The following MAGI3 variants were observed in gnomAD, a reference collection of about 807,000 sequenced individuals.
The protein encoded by MAGI3 is membrane-associated guanylate kinase, WW and PDZ domain-containing protein 3.
Under a neutral mutation model 121.8 loss-of-function variants are expected in MAGI3, and 43 were observed. The ratio of observed to expected loss-of-function variants is 0.35; its 90% CI spans 0.28 to 0.46. The LOEUF is 0.46. Among genes scored for constraint, MAGI3 ranks in the 20% least tolerant of loss-of-function variants. The pLI is 1.00. For missense variants in MAGI3, 1,547 were observed against 1,797.3 expected (o/e 0.86, Z 2.52); for synonymous variants, 553 against 639.3 (o/e 0.86, Z 2.04).
rs1648438259 is a variant in MAGI3 at position 113,684,611 on chromosome 1, A to T, written c.*597A>T. 1 of 152,304 alleles carries T rather than the reference A, an allele frequency of 6.6e-6. No individual in the cohort carries two copies. Among genetic ancestry groups the T allele is most frequent in the African/African-American group, 2.4e-5 (1 of 41,432 alleles). 9.4% of individuals were successfully genotyped at this position (152,304 alleles called of 1,614,324 possible). A position where few individuals can be genotyped will look rare whatever the true frequency, so the allele number is the denominator to read the frequency against. ...CATCACTACTTTAAGGAAAAAAAAA[A>T]TGTAGTCCAATATTGATGCTTTCTT... On this transcript the variant is annotated 3_prime_UTR_variant, in exon 21 of 21. Coordinates refer to ENST00000307546, the MANE Select transcript of MAGI3 (RefSeq NM_001142782.2).
At chr1:113,447,190 G>A (rs987586363) in intron 1 of MAGI3, among the ~76,000 whole-genome samples, 4 of 152,158 alleles carry the variant, frequency 2.6e-5, no homozygotes, top group Admixed American at 2.6e-4. Flanking sequence ...TCTATTTTGT[G>A]CTGCTGTAAC....
intron 1 of MAGI3, among the ~76,000 whole-genome samples, chr1:113,523,385 C>T (rs1387430382): frequency 3.3e-5 from 5 of 152,138 alleles, no homozygotes; most frequent in Non-Finnish European, 7.3e-5. Flanking sequence ...CAGAAGAAGA[C>T]AGGAAAATCT....
chr1:113,591,117 T>C (rs1219799337), intron 5 of MAGI3, among the ~76,000 whole-genome samples: 1 of 152,080 alleles, frequency 6.6e-6, no homozygotes, highest in Non-Finnish European at 1.5e-5. Flanking sequence ...GAAGAAAATA[T>C]CACTGATCAT....
intron 1 of MAGI3, among the ~76,000 whole-genome samples, chr1:113,545,034 CTT>C (rs71090708): frequency 8.4e-5 from 12 of 143,326 alleles, no homozygotes; most frequent in African/African-American, 2.9e-4. Flanking sequence ...GTTATTGTCA[CTT>C]TTTTTTTTTT....
chr1:113,683,524 A>G lies in MAGI3; in HGVS notation c.3956A>G (p.Tyr1319Cys), dbSNP rs767284978. 1.7e-5 allele frequency: 28 copies of G among 1,613,884 alleles called. No homozygotes were observed. Among genetic ancestry groups the G allele is most frequent in the Non-Finnish European group, 2.3e-5 (27 of 1,179,902 alleles). ...LEGKSRRIAG[Y>C]TGSNAEQIPD... ...GGTAAGAGTCGAAGAATAGCAGGCT[A>G]TACGGGCAGTAATGCTGAGCAGATC... The change falls in exon 21 of 21, where the codon TAT becomes TGT. Residue 1319 changes from tyrosine (Y) to cysteine (C), a missense_variant. Transcript: ENST00000307546.
chr1:113,486,457 G>T lies in MAGI3; in HGVS notation c.317-63058G>T, dbSNP rs992602430. On this transcript the variant is annotated intron_variant, in intron 1 of 20. Transcript: ENST00000307546. ...GTTAGGTATATTCCTAAGTTTGTTT[G>T]TTTGTTTGTTTTGCAGCTATTGTGA... Among the ~76,000 whole-genome samples the T allele has an allele frequency of 2.0e-5, 3 of 151,974 alleles. No individual in the cohort carries two copies. In the South Asian group the frequency reaches 6.2e-4, roughly 31 times the overall value.
chr1:113,486,544 C>T (rs527771339), intron 1 of MAGI3, among the ~76,000 whole-genome samples: 1 of 151,918 alleles, frequency 6.6e-6, no homozygotes, highest in African/African-American at 2.4e-5. Flanking sequence ...TATTTTTGGG[C>T]ATAAAAACTA....
At chr1:113,429,055 A>G (rs767652176) in intron 1 of MAGI3, among the ~76,000 whole-genome samples, 5 of 152,218 alleles carry the variant, frequency 3.3e-5, no homozygotes, top group Non-Finnish European at 7.3e-5. Flanking sequence ...ACTGTAGAAC[A>G]TACTTTTGTA....
At chr1:113,641,022 A>ATATATG (rs1557868815) in intron 9 of MAGI3, among the ~76,000 whole-genome samples, 173 of 15,104 alleles carry the variant, frequency 0.011, 3 homozygotes, top group Non-Finnish European at 0.023. Flanking sequence ...TATGATATAT[A>ATATATG]ATATATATGA....
Position 113,585,454 on chromosome 1 carries a change from A to G in MAGI3, c.621A>G (p.Gln207=). The change falls in exon 4 of 21, where the codon CAA becomes CAG. Residue 207 remains glutamine, a synonymous_variant. Coordinates refer to ENST00000307546, the MANE Select transcript of MAGI3 (RefSeq NM_001142782.2). ...CTTTTCAGCCAGATCCAGTTGATCA[A>G]GTCCTCTTTGATAATGAGTTTGATG... ...PSPFQPDPVD[Q]VLFDNEFDAE... is the part of the protein sequence containing the mutation. The G allele has an allele frequency of 1.2e-6, 2 of 1,614,134 alleles. No homozygotes were observed. Among genetic ancestry groups the G allele is most frequent in the Non-Finnish European group, 1.7e-6 (2 of 1,180,006 alleles).
intron 8 of MAGI3, among the ~76,000 whole-genome samples, chr1:113,621,156 C>G (rs539634350): frequency 1.3e-5 from 2 of 152,060 alleles, no homozygotes; most frequent in Non-Finnish European, 2.9e-5. Flanking sequence ...AGCAAGAAAG[C>G]ATACCAAGTA....
intron 8 of MAGI3, among the ~76,000 whole-genome samples, chr1:113,620,373 A>G (rs930408229): frequency 1.3e-5 from 2 of 152,128 alleles, no homozygotes; most frequent in Non-Finnish European, 2.9e-5. Context: ...GTGTATTTTG[A>G]AAACACTGCT....
Position 113,580,677 on chromosome 1 carries a change from A to T in MAGI3, c.553+16A>T. The T allele has an allele frequency of 6.3e-7, 1 of 1,586,274 alleles. No homozygotes were observed. The highest frequency in any genetic ancestry group is 8.6e-7 in the Non-Finnish European group (1 of 1,166,534). ...ACATATGATGGTATGTCCCCAAATA[A>T]CATCACTACCACCCAAAAAACTATC... On this transcript the variant is annotated intron_variant, in intron 3 of 20. Coordinates refer to ENST00000307546, the MANE Select transcript of MAGI3 (RefSeq NM_001142782.2).
chr1:113,643,799 C>A (rs567077642), intron 11 of MAGI3, 25 bp downstream of exon 11: 6 of 1,608,156 alleles, frequency 3.7e-6, no homozygotes, highest in Non-Finnish European at 5.1e-6. Context: ...GTCCTCAAAT[C>A]TTTTCCCCAA....
At chr1:113,414,081 G>A (rs1652160751) in intron 1 of MAGI3, among the ~76,000 whole-genome samples, 1 of 152,120 alleles carries the variant, frequency 6.6e-6, no homozygotes, top group South Asian at 2.1e-4. Flanking sequence ...AGAGTATTTA[G>A]CATGAAGGGC....
chr1:113,426,044 A>C (rs892526568), intron 1 of MAGI3, among the ~76,000 whole-genome samples: 6 of 152,116 alleles, frequency 3.9e-5, no homozygotes, highest in African/African-American at 1.2e-4. Context: ...TAATGCTATA[A>C]ATTTTCCTGT....
intron 1 of MAGI3, among the ~76,000 whole-genome samples, chr1:113,437,249 C>T (rs1653615171): frequency 1.3e-5 from 2 of 151,810 alleles, no homozygotes; most frequent in South Asian, 4.1e-4. Context: ...TTTCTTTCCC[C>T]TTCCCCCTCC....
intron 2 of MAGI3, among the ~76,000 whole-genome samples, chr1:113,577,306 T>C (rs1482565582): frequency 6.6e-6 from 1 of 152,172 alleles, no homozygotes; most frequent in Non-Finnish European, 1.5e-5. Context: ...TTCAGCAAAG[T>C]GGAGACTATT....
At chr1:113,507,346 C>T (rs1180936561) in intron 1 of MAGI3, among the ~76,000 whole-genome samples, 1 of 152,082 alleles carries the variant, frequency 6.6e-6, no homozygotes, top group Non-Finnish European at 1.5e-5. Context: ...ATCCTCTCTA[C>T]TACTTGTAAG....
Sources: allele counts gnomAD v4.1 joint callset (sites outside exome capture counted in the v4.1 genomes callset), GRCh38; gene constraint gnomAD v4.1.1; transcripts MANE v1.5; gene names NCBI Gene and HGNC (gene_info 2026-07-23, HGNC 2026-07-21).